The following CPA6 variants were observed in gnomAD, a reference collection of about 807,000 sequenced individuals.
CPA6 encodes carboxypeptidase A6.
In CPA6, 58 loss-of-function variants were observed where a neutral mutation model predicts 63.3. The ratio of observed to expected loss-of-function variants is 0.92; its 90% CI spans 0.74 to 1.14. The LOEUF is 1.14. Among genes scored for constraint, CPA6 ranks in the 50% most tolerant of loss-of-function variants. The pLI, the probability that CPA6 is intolerant of heterozygous loss-of-function variation, is 0.00. For missense variants in CPA6, 565 were observed against 526.6 expected (o/e 1.07, Z -0.71); for synonymous variants, 185 against 179.0 (o/e 1.03, Z -0.27).
At chr8:67,626,003 G>C (rs1249284788) in intron 1 of CPA6, among the ~76,000 whole-genome samples, 1 of 151,566 alleles carries the variant, frequency 6.6e-6, no homozygotes, top group Non-Finnish European at 1.5e-5. Flanking sequence ...CACAAGATCT[G>C]ATGGTTTAAA....
At chr8:67,434,558 T>C (rs956171618) in intron 8 of CPA6, among the ~76,000 whole-genome samples, 8 of 152,186 alleles carry the variant, frequency 5.3e-5, no homozygotes, top group Admixed American at 2.6e-4. Context: ...GTACAGCAAG[T>C]GTTCAACAGG....
In CPA6 at chr8:67,434,206, T is replaced by C; in HGVS notation, c.873A>G (p.Thr291=). Residue 291 remains threonine, a synonymous_variant, in exon 9 of 11, where the codon ACA becomes ACG. Transcript: ENST00000297770. ...EGASMHPCDD[T]YCGPFPESEP... is the part of the protein sequence containing the mutation. ...CAGATTCTGGAAAAGGGCCACAGTATGTGTCATCACAAGGGTGCATAGAAG... is the reference window on the plus strand; with the variant it reads ...CAGATTCTGGAAAAGGGCCACAGTACGTGTCATCACAAGGGTGCATAGAAG... 1 of 1,614,170 alleles carries C rather than the reference T, an allele frequency of 6.2e-7. No homozygotes were observed. The highest frequency in any genetic ancestry group is 1.7e-5 in the Admixed American group (1 of 60,020).
Position 67,570,503 on chromosome 8 carries a change from A to C in CPA6, c.193-52456T>G, listed in dbSNP as rs143033212. Among the ~76,000 whole-genome samples, 882 of 152,348 alleles carry C rather than the reference A, an allele frequency of 5.8e-3. 4 individuals carry two copies. The highest frequency in any genetic ancestry group is 9.1e-3 in the Non-Finnish European group (618 of 68,018). On this transcript the variant is annotated intron_variant, in intron 2 of 10. Coordinates refer to ENST00000297770, the MANE Select transcript of CPA6 (RefSeq NM_020361.5). ...AATTGTTAATAACAACTAGAGCTAA[A>C]ATAAATTACCAAGGGATACATATCA...
intron 1 of CPA6, among the ~76,000 whole-genome samples, chr8:67,633,348 G>T (rs555498689): frequency 6.6e-6 from 1 of 151,886 alleles, no homozygotes; most frequent in Admixed American, 6.6e-5. Context: ...TTTGTTTGTT[G>T]TAGGTTCTTA....
At chr8:67,498,469 G>T (rs1210538800) in intron 6 of CPA6, among the ~76,000 whole-genome samples, 1 of 143,070 alleles carries the variant, frequency 7.0e-6, no homozygotes, top group African/African-American at 2.6e-5. Context: ...CTGGAAGGCA[G>T]AGGTTGCAGT....
chr8:67,678,227 TCA>T (rs1229557199), intron 1 of CPA6, among the ~76,000 whole-genome samples: 3,086 of 127,336 alleles, frequency 0.024, 37 homozygotes, highest in Non-Finnish European at 0.031. Context: ...AAACTCTGTC[TCA>T]CACACACACA....
chr8:67,531,873 T>A (rs1167693570), intron 2 of CPA6, among the ~76,000 whole-genome samples: 1 of 152,136 alleles, frequency 6.6e-6, no homozygotes, highest in East Asian at 1.9e-4. Flanking sequence ...CTGATTACAA[T>A]GTAATTAAAT....
chr8:67,553,636 T>C (rs1297042405), intron 2 of CPA6, among the ~76,000 whole-genome samples: 1 of 152,182 alleles, frequency 6.6e-6, no homozygotes, highest in Non-Finnish European at 1.5e-5. Flanking sequence ...GAAAAAATAA[T>C]CATTTTCCTC....
At chr8:67,729,941 A>C (rs1422390189) in intron 1 of CPA6, among the ~76,000 whole-genome samples, 1 of 152,220 alleles carries the variant, frequency 6.6e-6, no homozygotes, top group Non-Finnish European at 1.5e-5. Context: ...TTTTGAAACC[A>C]GTGGATGTGA....
chr8:67,684,243 A>C (rs534878652), intron 1 of CPA6, among the ~76,000 whole-genome samples: 3 of 151,830 alleles, frequency 2.0e-5, no homozygotes, highest in African/African-American at 7.2e-5. Context: ...TCCTCACCAG[A>C]TGATATTTCT....
At chr8:67,467,597 T>C (rs1434223597) in intron 8 of CPA6, among the ~76,000 whole-genome samples, 2 of 152,222 alleles carry the variant, frequency 1.3e-5, no homozygotes, top group East Asian at 3.8e-4. Context: ...TTGCGGTTTC[T>C]CTTCATCTGC....
chr8:67,518,936 T>C (rs1438424075), intron 2 of CPA6, among the ~76,000 whole-genome samples: 1 of 152,156 alleles, frequency 6.6e-6, no homozygotes, highest in Non-Finnish European at 1.5e-5. Context: ...AGGGTAGGTC[T>C]CCTTGTCATA....
At chr8:67,562,324 C>A (rs1057181558) in intron 2 of CPA6, among the ~76,000 whole-genome samples, 3 of 152,148 alleles carry the variant, frequency 2.0e-5, no homozygotes, top group Non-Finnish European at 4.4e-5. Flanking sequence ...TCACAGTGTA[C>A]TTGGGCACTC....
At chr8:67,707,569 T>C (rs1817163872) in intron 1 of CPA6, among the ~76,000 whole-genome samples, 1 of 152,186 alleles carries the variant, frequency 6.6e-6, no homozygotes, top group Non-Finnish European at 1.5e-5. Flanking sequence ...GAGAAACTGG[T>C]TATTTTACCA....
At chr8:67,456,418 T>G (rs746406949) in intron 8 of CPA6, among the ~76,000 whole-genome samples, 64 of 152,166 alleles carry the variant, frequency 4.2e-4, no homozygotes, top group Non-Finnish European at 8.1e-4. Flanking sequence ...GTTGGTACAT[T>G]GTCTCAATTT....
At chr8:67,442,076 A>C (rs1216311024) in intron 8 of CPA6, among the ~76,000 whole-genome samples, 1 of 152,210 alleles carries the variant, frequency 6.6e-6, no homozygotes, top group Non-Finnish European at 1.5e-5. Context: ...GGAAATATAA[A>C]GAAACACAAA....
chr8:67,464,366 G>T (rs1810879935), intron 8 of CPA6, among the ~76,000 whole-genome samples: 1 of 152,042 alleles, frequency 6.6e-6, no homozygotes, highest in Admixed American at 6.5e-5. Context: ...TTTTAAATGA[G>T]GTTATTTGGT....
chr8:67,509,811 C>T (rs991468528), intron 4 of CPA6, among the ~76,000 whole-genome samples, 193 bp from the exon 5 acceptor site: 1 of 152,084 alleles, frequency 6.6e-6, no homozygotes, highest in African/African-American at 2.4e-5. Context: ...TAATTTTCTG[C>T]CTTTACAGAT....
rs769925378 is a variant in CPA6 at position 67,422,492 on chromosome 8, C to T, written c.*12G>A. ...AGAATCCTATGGCAGTTGACCTGAG[C>T]CTTGGGCTGTCTCAGGGACATTTCT... On this transcript the variant is annotated 3_prime_UTR_variant, in exon 11 of 11. Transcript: ENST00000297770. 2 of 1,610,434 alleles carry T rather than the reference C, an allele frequency of 1.2e-6. No homozygotes were observed. Among genetic ancestry groups the T allele is most frequent in the Non-Finnish European group, 8.5e-7 (1 of 1,177,446 alleles).
Sources: allele counts gnomAD v4.1 joint callset (sites outside exome capture counted in the v4.1 genomes callset), GRCh38; gene constraint gnomAD v4.1.1; transcripts MANE v1.5; gene names NCBI Gene and HGNC (gene_info 2026-07-23, HGNC 2026-07-21).